The following CFAP57 variants were observed in gnomAD, a reference collection of about 807,000 sequenced individuals.
The protein encoded by CFAP57 is cilia- and flagella-associated protein 57.
A neutral mutation model predicts 146.8 loss-of-function variants in CFAP57; 116 were observed. That is an observed-to-expected ratio of 0.79 (90% CI 0.68 to 0.92). CFAP57 has a LOEUF of 0.92. CFAP57 is among the 40% of genes least tolerant of loss of function. CFAP57 has a pLI of 0.00. For synonymous variants in CFAP57, 518 were observed against 552.8 expected (o/e 0.94, Z 0.88); for missense variants, 1,377 against 1,527.2 (o/e 0.90, Z 1.64).
chr1:43,242,310 A>G (rs947237203), intron 21 of CFAP57, among the ~76,000 whole-genome samples: 2 of 152,176 alleles, frequency 1.3e-5, no homozygotes, highest in Non-Finnish European at 2.9e-5. Flanking sequence ...AACTGTACCC[A>G]CACCCCGCAC....
intron 12 of CFAP57, among the ~76,000 whole-genome samples, chr1:43,216,718 C>T (rs973365605): frequency 3.3e-5 from 5 of 152,180 alleles, no homozygotes; most frequent in African/African-American, 1.2e-4. Flanking sequence ...TGTCCTGGCT[C>T]TTCCTCCGCC....
intron 3 of CFAP57, among the ~76,000 whole-genome samples, chr1:43,182,338 A>G (rs936889548): frequency 6.6e-6 from 1 of 152,214 alleles, no homozygotes; most frequent in African/African-American, 2.4e-5. Context: ...GGCAAAAGGA[A>G]GAAGACCCCT....
intron 2 of CFAP57, among the ~76,000 whole-genome samples, chr1:43,176,064 C>A (rs892665359): frequency 1.3e-5 from 2 of 152,078 alleles, no homozygotes; most frequent in African/African-American, 4.8e-5. Context: ...GCCTTGTACA[C>A]ATGTGGGTGG....
chr1:43,185,008 A>G, intron 4 of CFAP57, 141 bp from the exon 5 acceptor site: 1 of 901,332 alleles, frequency 1.1e-6, no homozygotes, highest in Middle Eastern at 2.9e-4. Context: ...CCCAAGCCAA[A>G]GGGTAGTATT....
rs1001993123 is a variant in CFAP57, at chr1:43,201,566, A to G, written c.1542+2063A>G. Among the ~76,000 whole-genome samples, 6 of 152,090 alleles carry G rather than the reference A, an allele frequency of 3.9e-5. No individual in the cohort carries two copies. On this transcript the variant is annotated intron_variant, in intron 9 of 22. Transcript: ENST00000372492. The surrounding 1 kb of genome is among the most constrained non-coding windows in gnomAD (Gnocchi z 4.4). ...AGAGGCGTGATCTCGGCTCACTGCAACCTCCACCTCCTGAGTTCAAGCGAT... is the reference window on the plus strand; with the variant it reads ...AGAGGCGTGATCTCGGCTCACTGCAGCCTCCACCTCCTGAGTTCAAGCGAT...
intron 9 of CFAP57, among the ~76,000 whole-genome samples, chr1:43,205,123 T>A (rs918877316): frequency 2.0e-5 from 3 of 152,216 alleles, no homozygotes; most frequent in Admixed American, 6.5e-5. Context: ...TTCCAGCCTC[T>A]AGAGTTGTCT....
intron 1 of CFAP57, 94 bp downstream of exon 1, chr1:43,172,547 C>A: frequency 1.2e-6 from 1 of 863,262 alleles, no homozygotes; most frequent in Non-Finnish European, 1.6e-6. Flanking sequence ...GGTGGGGTGG[C>A]GCGGAGGAGG....
intron 12 of CFAP57, among the ~76,000 whole-genome samples, chr1:43,217,054 C>G (rs1455734450): frequency 6.6e-6 from 1 of 152,208 alleles, no homozygotes. Context: ...ATGAGCCTTG[C>G]TCAGATCCTT....
chr1:43,244,576 G>A (rs953163791), intron 22 of CFAP57, among the ~76,000 whole-genome samples: 1 of 152,128 alleles, frequency 6.6e-6, no homozygotes, highest in African/African-American at 2.4e-5. Context: ...AGGCCTACAG[G>A]GTTGATGTGA....
chr1:43,223,257 G>T (rs638499), intron 16 of CFAP57, among the ~76,000 whole-genome samples: 8,747 of 152,264 alleles, frequency 0.057, 720 homozygotes, highest in African/African-American at 0.18. Context: ...GCAGACAGAG[G>T]CTTTCTAGTT....
rs756815800 is a variant in CFAP57, at chr1:43,181,585, G to A, written c.209G>A (p.Arg70Gln). ...GCCTTGTCCATCAGTCCCAATCGGC[G>A]GTACCTCGCTATCTCTGAGACTGTG... ...MLALSISPNR[R>Q]YLAISETVQE... The change falls in exon 3 of 23, where the codon CGG (arginine) becomes CAG (glutamine). Residue 70 changes from arginine (R) to glutamine (Q), a missense_variant. Arg to Gln is a conservative substitution (Grantham distance 43). Transcript: ENST00000372492. 1.2e-5 allele frequency: 20 copies of A among 1,614,008 alleles called. No individual in the cohort carries two copies. Among genetic ancestry groups the A allele is most frequent in the Admixed American group, 1.0e-4 (6 of 59,996 alleles).
Position 43,172,473 on chromosome 1 carries a change from G to C in CFAP57, c.-20+20G>C. ...CGAAAGGTGGGAGGGGGTACCTGGGGGTCGCCAGAAGGAGCTGGTAGCAGT... is the reference window on the plus strand; with the variant it reads ...CGAAAGGTGGGAGGGGGTACCTGGGCGTCGCCAGAAGGAGCTGGTAGCAGT... On this transcript the variant is annotated intron_variant, in intron 1 of 22. Coordinates refer to ENST00000372492, the MANE Select transcript of CFAP57 (RefSeq NM_001378189.1). The C allele has an allele frequency of 6.5e-7, 1 of 1,541,870 alleles. No individual in the cohort carries two copies. Among genetic ancestry groups the C allele is most frequent in the Non-Finnish European group, 8.8e-7 (1 of 1,142,116 alleles).
rs759255826 is a variant in CFAP57 at position 43,206,882 on chromosome 1, A to G, written c.1705A>G (p.Ile569Val). 9 of 1,614,042 alleles carry G rather than the reference A, an allele frequency of 5.6e-6. No homozygotes were observed. Among genetic ancestry groups the G allele is most frequent in the Non-Finnish European group, 7.6e-6 (9 of 1,180,028 alleles). ...CVTVSPDAKI[I>V]FAVGSDHTLK... ...TACTGTCTCCCCCGATGCCAAAATT[A>G]TCTTTGCTGTTGGATCAGACCACAC... Residue 569 changes from isoleucine (I) to valine (V), a missense_variant, in exon 10 of 23, where the codon ATC (isoleucine) becomes GTC (valine). By Grantham distance (29) the Ile-to-Val change is conservative. Coordinates refer to ENST00000372492, the MANE Select transcript of CFAP57 (RefSeq NM_001378189.1).
At chr1:43,209,684 C>T in intron 10 of CFAP57, 59 bp from the exon 11 acceptor site, 4 of 1,524,490 alleles carry the variant, frequency 2.6e-6, no homozygotes, top group Non-Finnish European at 3.6e-6. Context: ...GAGTATGGCA[C>T]TGGGACGTGG....
chr1:43,221,781 G>A (rs1311615831), intron 14 of CFAP57, among the ~76,000 whole-genome samples: 2 of 152,164 alleles, frequency 1.3e-5, no homozygotes, highest in African/African-American at 4.8e-5. Flanking sequence ...ACCTTACCGA[G>A]CCTCACTTTG....
At chr1:43,185,113 C>A in intron 4 of CFAP57, 36 bp from the exon 5 acceptor site, 1 of 1,606,440 alleles carries the variant, frequency 6.2e-7, no homozygotes, top group South Asian at 1.1e-5. Flanking sequence ...TCAAGATTGT[C>A]TCTATAAATT....
At chr1:43,222,358 T>A (rs1645077970) in intron 15 of CFAP57, 63 bp downstream of exon 15, 1 of 1,348,758 alleles carries the variant, frequency 7.4e-7, no homozygotes, top group African/African-American at 1.5e-5. Context: ...TTCACTCAGA[T>A]CTCCATGGCA....
chr1:43,217,079 C>A (rs1644862400), intron 12 of CFAP57, among the ~76,000 whole-genome samples: 1 of 152,184 alleles, frequency 6.6e-6, no homozygotes, highest in South Asian at 2.1e-4. Context: ...GACAAATGGA[C>A]AAGGGCCAGT....
At chr1:43,231,449 A>G (rs1645462465) in intron 18 of CFAP57, among the ~76,000 whole-genome samples, 1 of 152,218 alleles carries the variant, frequency 6.6e-6, no homozygotes, top group African/African-American at 2.4e-5. Context: ...TCCATAAGTC[A>G]TTAGGAGTTA....
Sources: gnomAD v4.1 joint callset for allele counts (sites outside exome capture counted in the v4.1 genomes callset) on GRCh38, gnomAD v4.1.1 for gene constraint, Gnocchi (gnomAD v3.1) non-coding constraint, MANE v1.5 for transcripts, NCBI Gene and HGNC (gene_info 2026-07-23, HGNC 2026-07-21) for gene names.